CNOT1: variants seen among roughly 807,000 people sequenced by gnomAD.
CNOT1 encodes the protein CCR4-NOT transcription complex subunit 1.
CNOT1 carries 15 observed loss-of-function variants against 273.8 expected under a neutral mutation model. The observed-to-expected ratio is 0.05, with a 90% CI of 0.04 to 0.08. The LOEUF is 0.08. Ranked by LOEUF, CNOT1 falls within the 10% of genes least tolerant of loss-of-function variation. The probability of loss-of-function intolerance (pLI) is 1.00; values close to 1 mark genes in which losing one functional copy is unlikely to be tolerated. For missense variants in CNOT1, 1,644 were observed against 2,912.2 expected, an observed-to-expected ratio of 0.56 and a Z score of 10.02; for synonymous variants, 1,022 against 1,005.5, an observed-to-expected ratio of 1.02 and a Z score of -0.31.
At chr16:58,572,665 T>G (rs1053801983) in intron 16 of CNOT1, among the ~76,000 whole-genome samples, 2 of 151,788 alleles carry the variant, frequency 1.3e-5, no homozygotes, top group African/African-American at 4.8e-5. Context: ...CCAGCAACTT[T>G]GGGAGGCCAA....
chr16:58,628,880 G>A (rs1359310061), intron 1 of CNOT1, among the ~76,000 whole-genome samples: 1 of 152,214 alleles, frequency 6.6e-6, no homozygotes, highest in African/African-American at 2.4e-5. Context: ...TTCTGCAAAG[G>A]AGGTGGTACT....
intron 16 of CNOT1, among the ~76,000 whole-genome samples, chr16:58,573,365 AC>A (rs1246637104): frequency 6.6e-6 from 1 of 151,918 alleles, no homozygotes; most frequent in African/African-American, 2.4e-5. Context: ...AAGTAGAAAA[AC>A]ATCCCAGATT....
rs566183613 is a variant in CNOT1, at chr16:58,533,575, G to A, written c.5895+572C>T. ...GGCGTGAATCTGGGAGGCGGAGCTT[G>A]CAGGAGCTGAGATCCCGCCACTGCA... On this transcript the variant is annotated intron_variant, in intron 40 of 48. Coordinates refer to ENST00000317147, the MANE Select transcript of CNOT1 (RefSeq NM_016284.5). Among the ~76,000 whole-genome samples, 20 of 152,326 alleles carry A rather than the reference G, an allele frequency of 1.3e-4. No homozygotes were observed. In the East Asian group the frequency reaches 3.5e-3, roughly 26 times the overall value.
In CNOT1 at chr16:58,543,923, A is replaced by G. The variant is rs2040171991; in HGVS notation, c.4138-20T>C. On this transcript the variant is annotated intron_variant, in intron 30 of 48. Coordinates refer to ENST00000317147, the MANE Select transcript of CNOT1 (RefSeq NM_016284.5). ...GGGAATCTGGGGGGTTGGGGAGGAC[A>G]AAGTCAACACCTTGTTTAAATAAGA... 4 of 1,579,354 alleles carry G rather than the reference A, an allele frequency of 2.5e-6. No individual in the cohort carries two copies. The East Asian group carries it at 9.0e-5, about 36-fold the overall frequency.
chr16:58,557,581 T>C (rs987527034), intron 18 of CNOT1, among the ~76,000 whole-genome samples: 1 of 151,938 alleles, frequency 6.6e-6, no homozygotes, highest in Non-Finnish European at 1.5e-5. Context: ...AGTGTCAACA[T>C]AAAAGGTACA....
At chr16:58,629,318 G>A (rs936276095) in intron 1 of CNOT1, among the ~76,000 whole-genome samples, 1 of 152,226 alleles carries the variant, frequency 6.6e-6, no homozygotes, top group Non-Finnish European at 1.5e-5. Flanking sequence ...CAACCATCAG[G>A]GAGCAGAGAC....
chr16:58,585,536 T>A, intron 7 of CNOT1, 30 bp from the exon 8 acceptor site: 3 of 1,592,624 alleles, frequency 1.9e-6, no homozygotes, highest in Non-Finnish European at 2.6e-6. Flanking sequence ...ACAACTGCTA[T>A]ACTAATTAAA....
chr16:58,538,356 G>A, intron 36 of CNOT1, 90 bp from the exon 37 acceptor site: 1 of 717,852 alleles, frequency 1.4e-6, no homozygotes, highest in Non-Finnish European at 2.5e-6. Context: ...TCCAAACTAA[G>A]AATGCCTTGA....
In CNOT1 at chr16:58,602,916, C is replaced by A. The variant is rs567985778; in HGVS notation, c.-174-3405G>T. Among the ~76,000 whole-genome samples, 8 of 152,260 alleles carry A rather than the reference C, an allele frequency of 5.3e-5. 1 individual carries two copies. The South Asian group carries it at 1.7e-3, about 32-fold the overall frequency. ...AAAAAAAAGCTCCTTGTCTTCCCCC[C>A]ACTTAATGATGTCACACCCTGCAAA... On this transcript the variant is annotated intron_variant, in intron 1 of 48. Transcript: ENST00000317147.
At position 58,615,021 on chromosome 16, in the gene CNOT1, A is replaced by AT. The variant is rs1325263687; in HGVS notation, c.-175+14706dup. ...CAGCACTGGGCCTGTATCCTTTGCTATTTAAAAAAAAAAAAAAATCAGCCC... is the reference window on the plus strand; with the variant it reads ...CAGCACTGGGCCTGTATCCTTTGCTATTTTAAAAAAAAAAAAAAATCAGCCC... On this transcript the variant is annotated intron_variant, in intron 1 of 48. Transcript: ENST00000317147. Among the ~76,000 whole-genome samples, 10 of 62,702 alleles carry AT rather than the reference A, an allele frequency of 1.6e-4. 2 individuals are homozygous for AT. The highest frequency in any genetic ancestry group is 9.4e-4 in the East Asian group (3 of 3,190). 41.1% of individuals were successfully genotyped at this position (62,702 alleles called of 152,430 possible).
intron 1 of CNOT1, among the ~76,000 whole-genome samples, chr16:58,602,553 C>CAACA (rs752267067): frequency 5.2e-5 from 3 of 57,964 alleles, no homozygotes; most frequent in Non-Finnish European, 6.0e-5. Flanking sequence ...ACTCTGTCTC[C>CAACA]AAAAAAAAAA....
chr16:58,576,590 G>C lies in CNOT1; in HGVS notation c.1585-8C>G. ...AATTGAGGGAGACTGTCCCTAAAAA[G>C]GGGAAGAAAGATTAAATAGCAATAC... On this transcript the variant is annotated splice_polypyrimidine_tract_variant and splice_region_variant and intron_variant, in intron 13 of 48. Coordinates refer to ENST00000317147, the MANE Select transcript of CNOT1 (RefSeq NM_016284.5). 6.2e-7 allele frequency: 1 copy of C among 1,613,988 alleles called. No homozygotes were observed.
intron 1 of CNOT1, among the ~76,000 whole-genome samples, chr16:58,600,032 C>T (rs1172126967): frequency 6.6e-6 from 1 of 151,978 alleles, no homozygotes; most frequent in South Asian, 2.1e-4. Flanking sequence ...CATTGCACTC[C>T]AGCTCTGGGC....
At chr16:58,573,109 C>T (rs150079375) in intron 16 of CNOT1, among the ~76,000 whole-genome samples, 55 of 151,696 alleles carry the variant, frequency 3.6e-4, no homozygotes, top group African/African-American at 2.2e-4. Context: ...AGTTTGAGAC[C>T]GGCCTGGCCA....
intron 10 of CNOT1, 122 bp from the exon 11 acceptor site, chr16:58,581,637 G>A: frequency 7.3e-7 from 1 of 1,374,386 alleles, no homozygotes. Flanking sequence ...TTTTTAATGT[G>A]AATTTTAAGA....
At chr16:58,552,595 T>C (rs565266934) in intron 22 of CNOT1, among the ~76,000 whole-genome samples, 1 of 152,330 alleles carries the variant, frequency 6.6e-6, no homozygotes, top group East Asian at 1.9e-4. Flanking sequence ...TGAATGAATA[T>C]ACTCCACATT....
chr16:58,600,519 G>T (rs1251717859), intron 1 of CNOT1, among the ~76,000 whole-genome samples: 1 of 152,084 alleles, frequency 6.6e-6, no homozygotes, highest in Non-Finnish European at 1.5e-5. Context: ...TCTTTCCATG[G>T]TATCTGCGAC....
At chr16:58,578,676 G>T (rs1567418907) in intron 13 of CNOT1, 23 bp downstream of exon 13, 1 of 1,607,580 alleles carries the variant, frequency 6.2e-7, no homozygotes, top group Admixed American at 1.7e-5. Context: ...TGAAAAAATG[G>T]TAAGCACACG....
At position 58,629,535 on chromosome 16, in the gene CNOT1, G is replaced by A. The variant is rs117918282; in HGVS notation, c.-175+193C>T. ...CATCTTCAGAGCGCGAAGCCTCCGA[G>A]AGCCGTGTGGAGAAGAGTCCGCCCT... On this transcript the variant is annotated intron_variant, in intron 1 of 48. Transcript: ENST00000317147. Among the ~76,000 whole-genome samples, 317 of 152,236 alleles carry A rather than the reference G, an allele frequency of 2.1e-3. 1 individual carries two copies. The highest frequency in any genetic ancestry group is 0.014 in the Middle Eastern group (4 of 294).
Sources: allele counts gnomAD v4.1 joint callset (sites outside exome capture counted in the v4.1 genomes callset), GRCh38; gene constraint gnomAD v4.1.1; transcripts MANE v1.5; gene names NCBI Gene and HGNC (gene_info 2026-07-23, HGNC 2026-07-21).